LRP11: variants seen among roughly 807,000 people sequenced by gnomAD.
LRP11 encodes LDL receptor related protein 11.
LRP11 carries 25 observed loss-of-function variants against 43.1 expected under a neutral mutation model. That is an observed-to-expected ratio of 0.58 (90% CI 0.42 to 0.81). The LOEUF (loss-of-function observed/expected upper bound fraction) is 0.81, where lower values mean the gene tolerates loss of function less well. Ranked by LOEUF, LRP11 falls within the 30% of genes least tolerant of loss-of-function variation. The probability of loss-of-function intolerance (pLI) is 0.00; values close to 1 mark genes in which losing one functional copy is unlikely to be tolerated. For synonymous variants in LRP11, 316 were observed against 299.4 expected (o/e 1.06, Z -0.57); for missense variants, 623 against 665.1 (o/e 0.94, Z 0.70).
chr6:149,828,191 GA>G (rs113200717), intron 5 of LRP11, among the ~76,000 whole-genome samples: 224 of 130,436 alleles, frequency 1.7e-3, no homozygotes, highest in East Asian at 7.0e-3. Flanking sequence ...CTTTTCAAAA[GA>G]AAAAAAAAAA....
At chr6:149,834,825 G>A (rs1776451527) in intron 5 of LRP11, among the ~76,000 whole-genome samples, 1 of 152,184 alleles carries the variant, frequency 6.6e-6, no homozygotes, top group African/African-American at 2.4e-5. Context: ...ATATTTTTAT[G>A]GAGGCACTTA....
intron 3 of LRP11, 188 bp downstream of exon 3, chr6:149,842,795 G>A: frequency 8.1e-7 from 1 of 1,230,370 alleles, no homozygotes; most frequent in Non-Finnish European, 1.1e-6. Context: ...CAACCCAGTA[G>A]CATCGGCTAA....
chr6:149,825,279 T>C (rs1357886357), intron 6 of LRP11, among the ~76,000 whole-genome samples: 3 of 152,200 alleles, frequency 2.0e-5, no homozygotes, highest in African/African-American at 7.2e-5. Context: ...TTCTTCCTAG[T>C]TAAAATCAAC....
In LRP11 at chr6:149,855,712, T is replaced by TAA. The variant is rs533657838; in HGVS notation, c.614-2554_614-2553dup. Among the ~76,000 whole-genome samples, 9 of 122,550 alleles carry TAA rather than the reference T, an allele frequency of 7.3e-5. No individual in the cohort carries two copies. The South Asian group carries it at 8.3e-4, about 11-fold the overall frequency. The allele number at this position is 122,550 out of a possible 152,430, so 80.4% of individuals were successfully genotyped here. A position where few individuals can be genotyped will look rare whatever the true frequency, so the allele number is the denominator to read the frequency against. On this transcript the variant is annotated intron_variant, in intron 1 of 6. Coordinates refer to ENST00000239367, the MANE Select transcript of LRP11 (RefSeq NM_032832.6). ...GGGAAGATGCCTTTTTTTTTTTTTTTAAAAAAAAAACACATTATGAGGAAT... is the reference window on the plus strand; with the variant it reads ...GGGAAGATGCCTTTTTTTTTTTTTTTAAAAAAAAAAAACACATTATGAGGAAT...
intron 2 of LRP11, among the ~76,000 whole-genome samples, chr6:149,852,079 G>A (rs112171939): frequency 0.011 from 1,703 of 152,252 alleles, 32 homozygotes; most frequent in African/African-American, 0.04. Flanking sequence ...CCCTTGACAC[G>A]TGGAGATTAT....
chr6:149,850,163 C>T (rs1254627980), intron 2 of LRP11, among the ~76,000 whole-genome samples: 8 of 152,190 alleles, frequency 5.3e-5, no homozygotes. Context: ...CATCCAATAA[C>T]AGGTTTTAAC....
chr6:149,819,217 A>G lies in LRP11; in HGVS notation c.*1332T>C, dbSNP rs550473718. On this transcript the variant is annotated 3_prime_UTR_variant, in exon 7 of 7. Transcript: ENST00000239367. ...CCCACCCGAATTAAACCCTTTGTTA[A>G]AAGAACAACCTACTTTAGGTTCAGT... The G allele has an allele frequency of 1.1e-4, 17 of 152,318 alleles. No individual in the cohort carries two copies. Among genetic ancestry groups the G allele is most frequent in the Middle Eastern group, 3.4e-3 (1 of 294 alleles). The allele number at this position is 152,318 out of a possible 1,614,324, so 9.4% of individuals were successfully genotyped here.
At chr6:149,846,393 C>G (rs191498006) in intron 2 of LRP11, among the ~76,000 whole-genome samples, 207 of 152,258 alleles carry the variant, frequency 1.4e-3, no homozygotes, top group African/African-American at 4.8e-3. Context: ...GACCCTGCAG[C>G]CTTCAGTCAA....
intron 1 of LRP11, among the ~76,000 whole-genome samples, chr6:149,861,304 A>G (rs1437316334): frequency 6.6e-6 from 1 of 152,162 alleles, no homozygotes; most frequent in Non-Finnish European, 1.5e-5. Flanking sequence ...CAGGAACCTG[A>G]GCCGCACCTT....
chr6:149,840,621 C>T (rs890002219), intron 3 of LRP11, among the ~76,000 whole-genome samples: 4 of 152,268 alleles, frequency 2.6e-5, no homozygotes, highest in Admixed American at 2.0e-4. Context: ...TTCAGCTGTA[C>T]AAGAGCAATC....
chr6:149,832,565 T>C (rs1776421968), intron 5 of LRP11, among the ~76,000 whole-genome samples: 1 of 152,052 alleles, frequency 6.6e-6, no homozygotes, highest in Non-Finnish European at 1.5e-5. Flanking sequence ...TCATATTTAT[T>C]GTACTAGCTG....
At chr6:149,824,938 T>C (rs1039937448) in intron 6 of LRP11, among the ~76,000 whole-genome samples, 1 of 152,054 alleles carries the variant, frequency 6.6e-6, no homozygotes, top group Admixed American at 6.5e-5. Flanking sequence ...TCTGGATACA[T>C]ATGTGTGGGG....
chr6:149,828,686 T>A (rs578019713), intron 5 of LRP11, among the ~76,000 whole-genome samples: 1 of 152,130 alleles, frequency 6.6e-6, no homozygotes, highest in African/African-American at 2.4e-5. Context: ...GATGGGGTTT[T>A]GCCATGTTTC....
At chr6:149,862,543 A>G (rs1776926308) in intron 1 of LRP11, among the ~76,000 whole-genome samples, 1 of 151,366 alleles carries the variant, frequency 6.6e-6, no homozygotes, top group Non-Finnish European at 1.5e-5. Flanking sequence ...TTAGTCCTTA[A>G]GAAACACGCT....
intron 6 of LRP11, among the ~76,000 whole-genome samples, chr6:149,824,935 A>G (rs1253225405): frequency 1.3e-5 from 2 of 152,178 alleles, no homozygotes; most frequent in East Asian, 3.8e-4. Context: ...CTCTCTGGAT[A>G]CATATGTGTG....
Position 149,863,491 on chromosome 6 carries a change from AG to A in LRP11, c.529del (p.Leu177CysfsTer53). On this transcript the variant is annotated frameshift_variant, in exon 1 of 7. Transcript: ENST00000239367. LOFTEE classifies it high-confidence loss of function. ...ARGRNVCKFALHSGYSSYSLS... is the reference protein window; with the variant it reads ...ARGRNVCKFAXHSGYSSYSLS... The stretch of plus-strand genomic sequence containing the variant: ...GCTGTAGCTGCTGTAGCCGCTGTGC[AG>A]CGCGAACTTGCAGACGTTGCGGCCG... 6 of 1,344,424 alleles carry A rather than the reference AG, an allele frequency of 4.5e-6. No individual in the cohort carries two copies. Among genetic ancestry groups the A allele is most frequent in the Non-Finnish European group, 5.7e-6 (6 of 1,056,772 alleles). 83.3% of individuals were successfully genotyped at this position (1,344,424 alleles called of 1,614,324 possible). A position where few individuals can be genotyped will look rare whatever the true frequency, so the allele number is the denominator to read the frequency against.
chr6:149,842,862 A>G (rs1361603681), intron 3 of LRP11, 121 bp downstream of exon 3: 3 of 1,288,442 alleles, frequency 2.3e-6, no homozygotes, highest in Non-Finnish European at 3.2e-6. Flanking sequence ...AGACTCTCTC[A>G]TTCAGCAATA....
At chr6:149,848,100 G>A (rs1301402723) in intron 2 of LRP11, among the ~76,000 whole-genome samples, 3 of 152,052 alleles carry the variant, frequency 2.0e-5, no homozygotes, top group Non-Finnish European at 4.4e-5. Flanking sequence ...CAAACCTAAC[G>A]CCCAGTGTGA....
At chr6:149,826,413 G>T in intron 5 of LRP11, 54 bp from the exon 6 acceptor site, 1 of 1,268,862 alleles carries the variant, frequency 7.9e-7, no homozygotes, top group South Asian at 1.3e-5. Context: ...GAAACTTCAG[G>T]AAACAAATGT....
Sources: gnomAD v4.1 joint callset for allele counts (sites outside exome capture counted in the v4.1 genomes callset) on GRCh38, gnomAD v4.1.1 for gene constraint, MANE v1.5 for transcripts, NCBI Gene and HGNC (gene_info 2026-07-23, HGNC 2026-07-21) for gene names.